NRG1: variants seen among roughly 807,000 people sequenced by gnomAD.
NRG1 encodes the protein neuregulin 1.
NRG1 carries 18 observed loss-of-function variants against 63.8 expected under a neutral mutation model. The observed-to-expected ratio is 0.28, with a 90% CI of 0.19 to 0.42. NRG1 has a LOEUF of 0.42. Ranked by LOEUF, NRG1 falls within the 10% of genes least tolerant of loss-of-function variation. NRG1 has a pLI of 1.00. For missense variants in NRG1, 762 were observed against 814.7 expected (o/e 0.94, Z 0.79); for synonymous variants, 302 against 301.3 (o/e 1.00, Z -0.02).
chr8:31,888,074 C>T (rs963629326), intron 1 of NRG1, among the ~76,000 whole-genome samples: 2 of 151,396 alleles, frequency 1.3e-5, no homozygotes, highest in African/African-American at 4.9e-5. Flanking sequence ...TGATGTCTTA[C>T]ATATCAATAT....
chr8:31,670,867 T>G (rs1201279617), intron 1 of NRG1, among the ~76,000 whole-genome samples: 2 of 152,192 alleles, frequency 1.3e-5, no homozygotes, highest in Admixed American at 6.5e-5. Context: ...GTAAATTGCA[T>G]GTTGCAAGGG....
At chr8:31,699,194 T>A (rs1216709664) in intron 1 of NRG1, among the ~76,000 whole-genome samples, 1 of 14,486 alleles carries the variant, frequency 6.9e-5, no homozygotes, top group Middle Eastern at 0.12. Context: ...TCTGAGTTAA[T>A]AACATTTTTT....
chr8:32,477,157 C>A (rs997829608), intron 1 of NRG1, among the ~76,000 whole-genome samples: 2 of 152,114 alleles, frequency 1.3e-5, no homozygotes, highest in African/African-American at 4.8e-5. Context: ...TCACTGGGAC[C>A]TGTGCCTTTC....
intron 1 of NRG1, among the ~76,000 whole-genome samples, chr8:31,702,562 G>A (rs996668169): frequency 7.3e-5 from 11 of 151,070 alleles, no homozygotes; most frequent in African/African-American, 2.4e-4. Context: ...AATGGCCATT[G>A]GTCATTGCTA....
intron 2 of NRG1, among the ~76,000 whole-genome samples, chr8:32,605,358 A>G (rs947479716): frequency 9.9e-5 from 15 of 152,216 alleles, no homozygotes; most frequent in East Asian, 3.8e-4. Context: ...GATGAAATCC[A>G]TGGTACAACT....
At chr8:32,509,222 A>C (rs1380953615) in intron 1 of NRG1, among the ~76,000 whole-genome samples, 1 of 151,782 alleles carries the variant, frequency 6.6e-6, no homozygotes. Flanking sequence ...CCTCCTAGGT[A>C]GCTGGGACTA....
chr8:32,587,015 C>G (rs1563712212), intron 1 of NRG1, among the ~76,000 whole-genome samples: 1 of 152,034 alleles, frequency 6.6e-6, no homozygotes, highest in South Asian at 2.1e-4. Flanking sequence ...TGTTTGAGAC[C>G]AGCCTGGGCA....
chr8:32,308,280 A>C (rs1376560081), intron 1 of NRG1, among the ~76,000 whole-genome samples: 3 of 152,006 alleles, frequency 2.0e-5, no homozygotes, highest in Non-Finnish European at 4.4e-5. Flanking sequence ...AATTCATTAG[A>C]CTTTCGTCAT....
intron 1 of NRG1, among the ~76,000 whole-genome samples, chr8:31,718,859 G>T (rs1812624341): frequency 6.6e-6 from 1 of 152,080 alleles, no homozygotes; most frequent in African/African-American, 2.4e-5. Context: ...TTATATTGTA[G>T]GTTCTTGTCC....
At chr8:32,442,407 G>A (rs1819665329) in intron 1 of NRG1, 3 of 152,184 alleles carry the variant, frequency 2.0e-5, no homozygotes, top group Non-Finnish European at 4.4e-5. Flanking sequence ...TCCTCATTTG[G>A]AAAGGCTTCA....
At chr8:32,288,577 A>G (rs1199793249) in intron 1 of NRG1, among the ~76,000 whole-genome samples, 3 of 152,314 alleles carry the variant, frequency 2.0e-5, no homozygotes, top group East Asian at 1.9e-4. Flanking sequence ...TCCAGGTCTC[A>G]TAATTCCTTT....
At chr8:32,001,560 T>C (rs553739071) in intron 1 of NRG1, among the ~76,000 whole-genome samples, 1 of 152,160 alleles carries the variant, frequency 6.6e-6, no homozygotes, top group South Asian at 2.1e-4. Flanking sequence ...ATTTTTATCA[T>C]AATTTATTCA....
At chr8:32,155,799 C>A (rs1837998832) in intron 1 of NRG1, among the ~76,000 whole-genome samples, 1 of 152,198 alleles carries the variant, frequency 6.6e-6, no homozygotes, top group Admixed American at 6.5e-5. Context: ...TTTACCAATG[C>A]AATATAGAAA....
chr8:32,283,725 A>AT (rs556255268), intron 1 of NRG1, among the ~76,000 whole-genome samples: 3 of 151,874 alleles, frequency 2.0e-5, no homozygotes, highest in East Asian at 1.9e-4. Flanking sequence ...CAGCAAGATA[A>AT]TTTTTTTTCT....
chr8:32,019,528 T>G (rs189274660), intron 1 of NRG1, among the ~76,000 whole-genome samples: 1 of 152,258 alleles, frequency 6.6e-6, no homozygotes, highest in Non-Finnish European at 1.5e-5. Flanking sequence ...TGTACAAAAT[T>G]TCTTTATTTG....
chr8:32,255,222 G>A (rs1849560156), intron 1 of NRG1, among the ~76,000 whole-genome samples: 1 of 152,152 alleles, frequency 6.6e-6, no homozygotes, highest in Non-Finnish European at 1.5e-5. Flanking sequence ...ATGTGAATTT[G>A]ATCCTGTCAT....
chr8:32,662,983 A>G (rs1700004510), intron 5 of NRG1, among the ~76,000 whole-genome samples: 1 of 152,202 alleles, frequency 6.6e-6, no homozygotes, highest in Admixed American at 6.5e-5. Flanking sequence ...ATCCTTATAA[A>G]TACAAAAGAA....
chr8:32,347,623 T>G (rs1805076584), intron 1 of NRG1, among the ~76,000 whole-genome samples: 1 of 152,164 alleles, frequency 6.6e-6, no homozygotes, highest in African/African-American at 2.4e-5. Context: ...TTTGAAAACA[T>G]GAAGGTCTGT....
chr8:32,243,645 A>T (rs1178445535), intron 1 of NRG1, among the ~76,000 whole-genome samples: 1 of 152,088 alleles, frequency 6.6e-6, no homozygotes, highest in East Asian at 1.9e-4. Context: ...TATGAACCAG[A>T]CTTCATACGC....
Sources: gnomAD v4.1 joint callset for allele counts (sites outside exome capture counted in the v4.1 genomes callset) on GRCh38, gnomAD v4.1.1 for gene constraint, MANE v1.5 for transcripts, NCBI Gene and HGNC (gene_info 2026-07-23, HGNC 2026-07-21) for gene names.